The following EXOC6B variants were observed in gnomAD, a reference collection of about 807,000 sequenced individuals.
EXOC6B encodes SEC15 homolog B.
Under a neutral mutation model 113.5 loss-of-function variants are expected in EXOC6B, and 54 were observed. The ratio of observed to expected loss-of-function variants is 0.48; its 90% CI spans 0.38 to 0.60. The LOEUF (loss-of-function observed/expected upper bound fraction) is 0.60. EXOC6B is among the 20% of genes least tolerant of loss of function. The pLI is 0.00. For missense variants in EXOC6B, 797 were observed against 977.5 expected (o/e 0.82, Z 2.46); for synonymous variants, 357 against 339.0 (o/e 1.05, Z -0.58).
chr2:72,181,115 A>C (rs1415662751), intron 21 of EXOC6B, among the ~76,000 whole-genome samples: 1 of 151,718 alleles, frequency 6.6e-6, no homozygotes, highest in Non-Finnish European at 1.5e-5. Flanking sequence ...AGGCTGAGGC[A>C]GGAGAATGGT....
intron 20 of EXOC6B, among the ~76,000 whole-genome samples, chr2:72,318,898 TA>T (rs76837934): frequency 0.38 from 53,903 of 143,276 alleles, 15,642 homozygotes; most frequent in African/African-American, 0.82. Context: ...ATGAAGTTAA[TA>T]AAAAAAAAAA....
rs373372711 is a variant in EXOC6B, at chr2:72,460,729, A to G, written c.1980+4431T>C. 1.4e-3 allele frequency among the ~76,000 whole-genome samples: 219 copies of G among 152,142 alleles called. 1 individual carries two copies. Among genetic ancestry groups the G allele is most frequent in the African/African-American group, 5.1e-3 (210 of 41,518 alleles). On this transcript the variant is annotated intron_variant, in intron 18 of 21. Coordinates refer to ENST00000272427, the MANE Select transcript of EXOC6B (RefSeq NM_015189.3). ...AACTACAGGTGCTGGAGAGGATGTG[A>G]AGAAATAGGAACACTTTTACACTGT... is the stretch of plus-strand genomic sequence containing the variant.
rs890450320 is a variant in EXOC6B, at chr2:72,543,886, C to T, written c.915+15567G>A. ...CAGACAACCTGTTAAGTGTCAGAGA[C>T]GGACTAGGAGTTACCAAATATTTCA... is the stretch of plus-strand genomic sequence containing the variant. On this transcript the variant is annotated intron_variant, in intron 8 of 21. Transcript: ENST00000272427. Among the ~76,000 whole-genome samples the T allele has an allele frequency of 2.6e-5, 4 of 152,244 alleles. No homozygotes were observed. In the South Asian group the frequency reaches 6.2e-4, roughly 24 times the overall value.
At chr2:72,590,321 A>G (rs1192545333) in intron 6 of EXOC6B, among the ~76,000 whole-genome samples, 5 of 152,050 alleles carry the variant, frequency 3.3e-5, no homozygotes, top group South Asian at 2.1e-4. Flanking sequence ...TAGTTTATAA[A>G]CATAAGTAGA....
At chr2:72,483,786 A>T (rs1186884906) in intron 16 of EXOC6B, among the ~76,000 whole-genome samples, 1 of 152,230 alleles carries the variant, frequency 6.6e-6, no homozygotes, top group Non-Finnish European at 1.5e-5. Flanking sequence ...ATTGAAAGAT[A>T]AAATGAAGCA....
At chr2:72,473,151 G>A (rs1698515512) in intron 17 of EXOC6B, among the ~76,000 whole-genome samples, 1 of 152,116 alleles carries the variant, frequency 6.6e-6, no homozygotes, top group Non-Finnish European at 1.5e-5. Flanking sequence ...TGTGTATTCT[G>A]TTATTGTTGG....
At chr2:72,295,249 A>T (rs1686060700) in intron 20 of EXOC6B, among the ~76,000 whole-genome samples, 1 of 149,980 alleles carries the variant, frequency 6.7e-6, no homozygotes, top group Non-Finnish European at 1.5e-5. Flanking sequence ...AAAAAAAAAA[A>T]TACTCAGACC....
At chr2:72,603,072 G>GGTT (rs1304708202) in intron 6 of EXOC6B, among the ~76,000 whole-genome samples, 74 of 24,342 alleles carry the variant, frequency 3.0e-3, no homozygotes, top group African/African-American at 6.2e-3. Context: ...ACGGACAGAT[G>GGTT]GTTTTTTTTT....
At chr2:72,770,622 T>C (rs909768840) in intron 1 of EXOC6B, among the ~76,000 whole-genome samples, 1 of 152,174 alleles carries the variant, frequency 6.6e-6, no homozygotes, top group Non-Finnish European at 1.5e-5. Flanking sequence ...CAACAAATAG[T>C]TTTTAGAGCC....
intron 18 of EXOC6B, among the ~76,000 whole-genome samples, chr2:72,401,576 T>C (rs1340827570): frequency 7.7e-5 from 2 of 25,948 alleles, no homozygotes; most frequent in Non-Finnish European, 1.2e-4. Flanking sequence ...CATATATATA[T>C]ATATACATAT....
chr2:72,723,100 T>A (rs761502760), intron 5 of EXOC6B, among the ~76,000 whole-genome samples: 4 of 152,142 alleles, frequency 2.6e-5, no homozygotes, highest in Admixed American at 6.5e-5. Context: ...AACTAACACC[T>A]GTATAGCAGG....
chr2:72,353,386 T>TGTATTGTATTGTATTGTATTGTA (rs774320429), intron 19 of EXOC6B, among the ~76,000 whole-genome samples: 34 of 151,436 alleles, frequency 2.2e-4, no homozygotes, highest in African/African-American at 4.9e-4. Context: ...TGTATCGTAT[T>TGTATTGTATTGTATTGTATTGTA]TTTGAGATGG....
At chr2:72,277,824 T>C (rs1257211931) in intron 20 of EXOC6B, among the ~76,000 whole-genome samples, 4 of 142,446 alleles carry the variant, frequency 2.8e-5, no homozygotes, top group African/African-American at 8.9e-5. Context: ...AGCAAATCAT[T>C]TCACCAAAAT....
At chr2:72,645,453 A>G (rs1311180398) in intron 6 of EXOC6B, among the ~76,000 whole-genome samples, 1 of 152,188 alleles carries the variant, frequency 6.6e-6, no homozygotes, top group African/African-American at 2.4e-5. Context: ...ATAGACACCT[A>G]CAGAACTCTC....
intron 18 of EXOC6B, among the ~76,000 whole-genome samples, chr2:72,423,024 G>A (rs574433594): frequency 7.9e-5 from 12 of 152,174 alleles, no homozygotes; most frequent in South Asian, 2.1e-4. Flanking sequence ...TTATTCTTTC[G>A]CTCTTTGCAA....
intron 18 of EXOC6B, among the ~76,000 whole-genome samples, chr2:72,393,758 A>G (rs1267187039): frequency 6.6e-6 from 1 of 152,214 alleles, no homozygotes; most frequent in Non-Finnish European, 1.5e-5. Flanking sequence ...ATGCTTATAT[A>G]TGTGTGTCTT....
chr2:72,579,791 TACAA>T (rs1427549462), intron 6 of EXOC6B, among the ~76,000 whole-genome samples: 1 of 152,096 alleles, frequency 6.6e-6, no homozygotes, highest in African/African-American at 2.4e-5. Flanking sequence ...ATTAGAGGCA[TACAA>T]ACAAATGACC....
At chr2:72,290,936 TA>T (rs1471037782) in intron 20 of EXOC6B, among the ~76,000 whole-genome samples, 1 of 152,180 alleles carries the variant, frequency 6.6e-6, no homozygotes, top group Non-Finnish European at 1.5e-5. Context: ...ATCAAATATG[TA>T]ATCTTTAATA....
chr2:72,669,313 G>A (rs1027706239), intron 6 of EXOC6B, among the ~76,000 whole-genome samples: 1 of 151,062 alleles, frequency 6.6e-6, no homozygotes. Flanking sequence ...ACCCAATATC[G>A]AATTAGTCAT....
Sources: gnomAD v4.1 joint callset for allele counts (sites outside exome capture counted in the v4.1 genomes callset) on GRCh38, gnomAD v4.1.1 for gene constraint, MANE v1.5 for transcripts, NCBI Gene and HGNC (gene_info 2026-07-23, HGNC 2026-07-21) for gene names.